The following WWOX variants were observed in gnomAD, a reference collection of about 807,000 sequenced individuals.
The protein encoded by WWOX is WW domain-containing oxidoreductase.
In WWOX, 69 loss-of-function variants were observed where a neutral mutation model predicts 46.2. The observed-to-expected ratio is 1.49, with a 90% CI of 1.23 to 1.82. WWOX has a LOEUF of 1.82. Among genes scored for constraint, WWOX ranks in the 40% most tolerant of loss-of-function variants. The pLI is 0.00. For synonymous variants in WWOX, 359 were observed against 202.6 expected (o/e 1.77, Z -6.56); for missense variants, 919 against 542.6 (o/e 1.69, Z -6.89).
At chr16:78,681,579 A>G (rs2047730716) in intron 8 of WWOX, among the ~76,000 whole-genome samples, 1 of 151,910 alleles carries the variant, frequency 6.6e-6, no homozygotes, top group South Asian at 2.1e-4. Context: ...GAAGAAGCAA[A>G]GGGGCAATAC....
At chr16:78,801,395 G>A (rs1167148574) in intron 8 of WWOX, among the ~76,000 whole-genome samples, 1 of 152,100 alleles carries the variant, frequency 6.6e-6, no homozygotes, top group Non-Finnish European at 1.5e-5. Flanking sequence ...TATAATCCCA[G>A]CTACTCAGGA....
At chr16:78,118,195 T>G (rs2032906853) in intron 4 of WWOX, among the ~76,000 whole-genome samples, 1 of 151,976 alleles carries the variant, frequency 6.6e-6, no homozygotes, top group Non-Finnish European at 1.5e-5. Context: ...CTAAGCAAAC[T>G]CTGTCTTGTC....
chr16:78,908,551 A>AAG (rs1307919820), intron 8 of WWOX, among the ~76,000 whole-genome samples: 1 of 151,440 alleles, frequency 6.6e-6, no homozygotes, highest in African/African-American at 2.4e-5. Flanking sequence ...GAAAAAAAAA[A>AAG]AAGAGTTTAA....
intron 8 of WWOX, among the ~76,000 whole-genome samples, chr16:78,805,956 C>G (rs61375491): frequency 0.039 from 5,990 of 152,172 alleles, 420 homozygotes; most frequent in African/African-American, 0.14. Flanking sequence ...CAATGCCACC[C>G]TATAATCTCG....
intron 8 of WWOX, among the ~76,000 whole-genome samples, chr16:78,946,052 C>G (rs2045942730): frequency 6.6e-6 from 1 of 152,134 alleles, no homozygotes; most frequent in Non-Finnish European, 1.5e-5. Context: ...AAGCTGTGCT[C>G]TAGAAACATA....
intron 8 of WWOX, among the ~76,000 whole-genome samples, chr16:78,672,180 A>G (rs2047480349): frequency 6.6e-6 from 1 of 152,224 alleles, no homozygotes; most frequent in Admixed American, 6.5e-5. Flanking sequence ...AATTAAATCC[A>G]TGACCAGAAG....
At chr16:78,258,636 A>G (rs1210504861) in intron 5 of WWOX, among the ~76,000 whole-genome samples, 1 of 151,582 alleles carries the variant, frequency 6.6e-6, no homozygotes, top group East Asian at 1.9e-4. Flanking sequence ...AGTTTGGCAA[A>G]AATGATAGAG....
chr16:78,809,802 G>A (rs2051140520), intron 8 of WWOX, among the ~76,000 whole-genome samples: 1 of 152,154 alleles, frequency 6.6e-6, no homozygotes, highest in Non-Finnish European at 1.5e-5. Flanking sequence ...TGTTCAGTGT[G>A]TGAGCTCCTA....
intron 8 of WWOX, among the ~76,000 whole-genome samples, chr16:78,822,588 T>C (rs1034944528): frequency 8.5e-5 from 13 of 152,302 alleles, no homozygotes; most frequent in Admixed American, 3.3e-4. Context: ...ATAAATAAAG[T>C]CTTCAGAGCC....
chr16:79,090,504 G>C (rs933417206), intron 8 of WWOX, among the ~76,000 whole-genome samples: 4 of 152,144 alleles, frequency 2.6e-5, no homozygotes, highest in African/African-American at 9.7e-5. Context: ...TGGGGAAAGA[G>C]ACGTGAAAGA....
At chr16:78,953,708 A>G (rs987869356) in intron 8 of WWOX, among the ~76,000 whole-genome samples, 3 of 152,156 alleles carry the variant, frequency 2.0e-5, no homozygotes, top group African/African-American at 4.8e-5. Flanking sequence ...GAGTGCATGC[A>G]TGAATGGATA....
At chr16:78,404,062 A>G (rs748750277) in intron 6 of WWOX, among the ~76,000 whole-genome samples, 8 of 152,212 alleles carry the variant, frequency 5.3e-5, no homozygotes, top group Admixed American at 2.6e-4. Context: ...GCGAGGCTAA[A>G]AAGTATAGAA....
At chr16:79,035,244 C>T (rs2047842862) in intron 8 of WWOX, among the ~76,000 whole-genome samples, 1 of 152,192 alleles carries the variant, frequency 6.6e-6, no homozygotes, top group Admixed American at 6.5e-5. Flanking sequence ...GACCACGTAC[C>T]TTCCAGAATC....
At chr16:79,069,249 T>C (rs1597344749) in intron 8 of WWOX, among the ~76,000 whole-genome samples, 1 of 152,206 alleles carries the variant, frequency 6.6e-6, no homozygotes, top group South Asian at 2.1e-4. Flanking sequence ...GTGAGTACGA[T>C]TAATGCTGTT....
intron 8 of WWOX, among the ~76,000 whole-genome samples, chr16:79,022,596 T>G (rs2047556239): frequency 6.6e-6 from 1 of 152,116 alleles, no homozygotes; most frequent in Non-Finnish European, 1.5e-5. Flanking sequence ...GGAACATACT[T>G]TTAGGATGTC....
intron 8 of WWOX, among the ~76,000 whole-genome samples, chr16:79,122,823 T>A (rs1317937922): frequency 7.2e-5 from 11 of 152,158 alleles, no homozygotes; most frequent in Non-Finnish European, 1.3e-4. Flanking sequence ...GTGAGCTCAA[T>A]GAAATACATC....
chr16:78,915,947 T>C (rs974543426), intron 8 of WWOX, among the ~76,000 whole-genome samples: 10 of 152,192 alleles, frequency 6.6e-5, no homozygotes, highest in African/African-American at 2.4e-4. Context: ...GCTCAATCAA[T>C]GCCCAGAAAT....
chr16:78,384,757 C>T (rs974727937), intron 5 of WWOX, among the ~76,000 whole-genome samples: 3 of 152,202 alleles, frequency 2.0e-5, no homozygotes, highest in East Asian at 3.9e-4. Flanking sequence ...GAATTTAAAT[C>T]TGTGTTTGCC....
At chr16:78,596,767 C>T (rs2045501019) in intron 8 of WWOX, among the ~76,000 whole-genome samples, 1 of 151,896 alleles carries the variant, frequency 6.6e-6, no homozygotes, top group Admixed American at 6.6e-5. Context: ...ATGGTGAGTA[C>T]ACAGCCATGA....
Sources: allele counts gnomAD v4.1 joint callset (sites outside exome capture counted in the v4.1 genomes callset), GRCh38; gene constraint gnomAD v4.1.1; transcripts MANE v1.5; gene names NCBI Gene and HGNC (gene_info 2026-07-23, HGNC 2026-07-21).